Variants in TMPO observed in about 807,000 individuals in gnomAD.
TMPO encodes thymopoietin.
Under a neutral mutation model 45.4 loss-of-function variants are expected in TMPO, and 22 were observed. The ratio of observed to expected loss-of-function variants is 0.48; its 90% CI spans 0.35 to 0.69. The LOEUF is 0.69. Ranked by LOEUF, TMPO falls within the 30% of genes least tolerant of loss-of-function variation. The pLI, the probability that TMPO is intolerant of heterozygous loss-of-function variation, is 0.01. For synonymous variants in TMPO, 241 were observed against 204.1 expected (o/e 1.18, Z -1.54); for missense variants, 512 against 548.8 (o/e 0.93, Z 0.67).
At chr12:98,524,134 A>G (rs1876585355) in intron 1 of TMPO, among the ~76,000 whole-genome samples, 1 of 152,254 alleles carries the variant, frequency 6.6e-6, no homozygotes, top group Non-Finnish European at 1.5e-5. Context: ...TGGAATAAGA[A>G]TATGAGGATG....
intron 4 of TMPO, among the ~76,000 whole-genome samples, chr12:98,541,853 A>G (rs998531129): frequency 6.6e-6 from 1 of 152,170 alleles, no homozygotes; most frequent in Non-Finnish European, 1.5e-5. Flanking sequence ...AAGTAAATAT[A>G]TAGATTTTTA....
At chr12:98,535,881 T>G (rs1352174321) in intron 3 of TMPO, among the ~76,000 whole-genome samples, 1 of 152,200 alleles carries the variant, frequency 6.6e-6, no homozygotes, top group African/African-American at 2.4e-5. Context: ...CCTTATTCGT[T>G]TAACCGATTT....
intron 8 of TMPO, 89 bp downstream of exon 8, chr12:98,546,536 C>G: frequency 9.2e-7 from 1 of 1,090,716 alleles, no homozygotes; most frequent in South Asian, 1.3e-5. Context: ...TGTACTTCTG[C>G]TCAGAATTAA....
chr12:98,527,262 C>G (rs1234537268), intron 1 of TMPO, among the ~76,000 whole-genome samples: 2 of 148,194 alleles, frequency 1.3e-5, no homozygotes, highest in African/African-American at 2.5e-5. Flanking sequence ...CTTTGGGAGG[C>G]CAAGGTGGGC....
chr12:98,531,754 C>G lies in TMPO; in HGVS notation c.481C>G (p.Pro161Ala). 1 of 1,613,692 alleles carries G rather than the reference C, an allele frequency of 6.2e-7. No homozygotes were observed. The highest frequency in any genetic ancestry group is 2.2e-5 in the East Asian group (1 of 44,824). The change falls in exon 3 of 9, where the codon CCT (proline) becomes GCT (alanine). Residue 161 changes from proline to alanine, a missense_variant. By Grantham distance (27) the Pro-to-Ala change is conservative. This residue lies in a region of TMPO where 299 missense variants were observed against 296.7 expected (regional missense o/e 1.01). Coordinates refer to ENST00000556029, the MANE Select transcript of TMPO (RefSeq NM_001032283.3). ...AGGAACAGAATCAAGATCTTCTACT[C>G]CTCTGCCAACAATTTCTTCTTCAGC... ...EQGTESRSST[P>A]LPTISSSAEN...
chr12:98,531,235 CTTTTTTTTTTT>C (rs1228236045), intron 2 of TMPO, among the ~76,000 whole-genome samples: 2 of 111,086 alleles, frequency 1.8e-5, no homozygotes, highest in Non-Finnish European at 1.8e-5. Context: ...CCACCACGTC[CTTTTTTTTTTT>C]TTTTTTTTTT....
intron 4 of TMPO, among the ~76,000 whole-genome samples, chr12:98,543,041 A>T (rs1878016398): frequency 6.6e-6 from 1 of 152,200 alleles, no homozygotes; most frequent in African/African-American, 2.4e-5. Context: ...AATATAGATA[A>T]ATACAAAACC....
At chr12:98,546,687 TTAAA>T (rs1878247941) in intron 8 of TMPO, among the ~76,000 whole-genome samples, 2 of 152,214 alleles carry the variant, frequency 1.3e-5, no homozygotes, top group South Asian at 2.1e-4. Context: ...CCACCGACTT[TTAAA>T]TAAATAAGTG....
chr12:98,516,997 G>A (rs1357187135), intron 1 of TMPO, among the ~76,000 whole-genome samples: 3 of 152,138 alleles, frequency 2.0e-5, no homozygotes, highest in South Asian at 2.1e-4. Flanking sequence ...TTTTAGTAGA[G>A]ACGGGGTTTC....
At chr12:98,542,226 A>G (rs1289308132) in intron 4 of TMPO, among the ~76,000 whole-genome samples, 2 of 152,208 alleles carry the variant, frequency 1.3e-5, no homozygotes, top group Non-Finnish European at 2.9e-5. Context: ...TTGCATTCCC[A>G]CCAGCAGTGT....
Position 98,546,450 on chromosome 12 carries a change from A to AT in TMPO, c.1079+5dup, listed in dbSNP as rs34449077. On this transcript the variant is annotated splice_donor_region_variant and intron_variant, in intron 8 of 8. Transcript: ENST00000556029. The stretch of plus-strand genomic sequence containing the variant: ...GCATCTACACCAACAGGAATTAGGT[A>AT]TTCAGATACATTTAAACAAGTACTA... The AT allele has an allele frequency of 0.082, 128,405 of 1,561,232 alleles. 6,602 individuals carry two copies. Among genetic ancestry groups the AT allele is most frequent in the East Asian group, 0.26 (11,407 of 44,524 alleles).
In TMPO at chr12:98,516,514, A is replaced by G. The variant is rs116403297; in HGVS notation, c.279+368A>G. ...TCTGGAGGGGTGGCCCCAAAATGCT[A>G]TAGGTTAAGTTCGAGCGTTTTCCCG... On this transcript the variant is annotated intron_variant, in intron 1 of 8. Transcript: ENST00000556029. 768 of 1,063,114 alleles carry G rather than the reference A, an allele frequency of 7.2e-4. 8 individuals are homozygous for G. The African/African-American group carries it at 0.012, about 17-fold the overall frequency. The allele number at this position is 1,063,114 out of a possible 1,614,324, so 65.9% of individuals were successfully genotyped here. A position where few individuals can be genotyped will look rare whatever the true frequency, so the allele number is the denominator to read the frequency against.
At chr12:98,540,543 T>C (rs4762496) in intron 4 of TMPO, among the ~76,000 whole-genome samples, 32,972 of 152,056 alleles carry the variant, frequency 0.22, 4,616 homozygotes, top group Non-Finnish European at 0.31. Flanking sequence ...CACGCCCGGC[T>C]AATTTTGTAT....
chr12:98,534,785 TC>T, intron 3 of TMPO: 2 of 1,010,140 alleles, frequency 2.0e-6, no homozygotes, highest in Non-Finnish European at 2.4e-6. Context: ...CAGTATCTTT[TC>T]ACGTTCCATA....
Position 98,549,756 on chromosome 12 carries a change from A to G in TMPO, c.*1898A>G, listed in dbSNP as rs565377594. 9 of 152,364 alleles carry G rather than the reference A, an allele frequency of 5.9e-5. No homozygotes were observed. The highest frequency in any genetic ancestry group is 2.1e-4 in the South Asian group (1 of 4,834). The allele number at this position is 152,364 out of a possible 1,614,324, so 9.4% of individuals were successfully genotyped here. On this transcript the variant is annotated 3_prime_UTR_variant, in exon 9 of 9. Transcript: ENST00000556029. Reference sequence around the variant, plus strand: ...AGACCAGCACACAATTTTGATTTCAATTAGCCTTATTCTAATATTTAGCTT... The same window carrying G: ...AGACCAGCACACAATTTTGATTTCAGTTAGCCTTATTCTAATATTTAGCTT...
intron 4 of TMPO, among the ~76,000 whole-genome samples, chr12:98,542,366 A>G (rs1466595875): frequency 6.6e-6 from 1 of 151,450 alleles, no homozygotes; most frequent in Non-Finnish European, 1.5e-5. Flanking sequence ...GATGGCTTTT[A>G]GTTATCTCAG....
At chr12:98,533,324 A>G in intron 3 of TMPO, 2 of 1,614,168 alleles carry the variant, frequency 1.2e-6, no homozygotes, top group Non-Finnish European at 1.7e-6. Context: ...CTCTCCAGTA[A>G]AAGGAAAGCA....
At chr12:98,522,866 A>G (rs1181625298) in intron 1 of TMPO, among the ~76,000 whole-genome samples, 2 of 152,210 alleles carry the variant, frequency 1.3e-5, no homozygotes, top group African/African-American at 4.8e-5. Flanking sequence ...GTTAATGCAA[A>G]GACACTTGGA....
At chr12:98,537,439 T>G in intron 3 of TMPO, 36 bp from the exon 4 acceptor site, 1 of 1,504,758 alleles carries the variant, frequency 6.6e-7, no homozygotes, top group Admixed American at 1.7e-5. Flanking sequence ...TATTGAGTGT[T>G]TCAGAGAGTA....
Sources: allele counts gnomAD v4.1 joint callset (sites outside exome capture counted in the v4.1 genomes callset), GRCh38; gene constraint gnomAD v4.1.1; regional missense constraint gnomAD v4.1.1; transcripts MANE v1.5; gene names NCBI Gene and HGNC (gene_info 2026-07-23, HGNC 2026-07-21).